ST18: variants seen among roughly 807,000 people sequenced by gnomAD.
ST18 encodes the protein ST18 C2H2C-type zinc finger transcription factor.
ST18 carries 50 observed loss-of-function variants against 110.0 expected under a neutral mutation model. That is an observed-to-expected ratio of 0.45 (90% CI 0.36 to 0.58). ST18 has a LOEUF of 0.58. Ranked by LOEUF, ST18 falls within the 20% of genes least tolerant of loss-of-function variation. The pLI is 0.00. For missense variants in ST18, 1,306 were observed against 1,280.1 expected, an observed-to-expected ratio of 1.02 and a Z score of -0.31; for synonymous variants, 461 against 452.4, an observed-to-expected ratio of 1.02 and a Z score of -0.24.
In ST18 at chr8:52,149,897, G is replaced by C. The variant is rs146398660; in HGVS notation, c.1887C>G (p.Pro629=). ...GAATAGAAGTGTTAGAGGAAGTTAG[G>C]GGTGCAGACTTGTCCAGGATTCGAT... is the stretch of plus-strand genomic sequence containing the variant. ...KKNRILDKSA[P]LTSSNTSIPT... is the part of the protein sequence containing the mutation. Residue 629 remains proline, a synonymous_variant, in exon 16 of 26, where the codon CCC becomes CCG. Coordinates refer to ENST00000689386, the MANE Select transcript of ST18 (RefSeq NM_001352837.2). 136 of 1,614,014 alleles carry C rather than the reference G, an allele frequency of 8.4e-5. No homozygotes were observed. The highest frequency in any genetic ancestry group is 1.1e-4 in the Non-Finnish European group (127 of 1,180,038).
chr8:52,332,247 T>C (rs1809859629), intron 2 of ST18, among the ~76,000 whole-genome samples: 1 of 152,086 alleles, frequency 6.6e-6, no homozygotes. Context: ...TAGAAATATA[T>C]GATTGATGGA....
chr8:52,172,087 G>A lies in ST18; in HGVS notation c.774C>T (p.Asp258=), dbSNP rs755057086. The part of the protein sequence containing the change: ...NRCDSETERK[D]PQNALAEPLD... Reference sequence around the variant, plus strand: ...GGGGTTCTGCGAGAGCATTCTGCGGGTCTTTCCTTTCTGTTTCAGAATCAC... The same window carrying A: ...GGGGTTCTGCGAGAGCATTCTGCGGATCTTTCCTTTCTGTTTCAGAATCAC... Residue 258 remains aspartate, a synonymous_variant, in exon 10 of 26, where the codon GAC becomes GAT. Coordinates refer to ENST00000689386, the MANE Select transcript of ST18 (RefSeq NM_001352837.2). The A allele has an allele frequency of 1.2e-6, 2 of 1,614,222 alleles. No individual in the cohort carries two copies. Among genetic ancestry groups the A allele is most frequent in the Non-Finnish European group, 1.7e-6 (2 of 1,180,048 alleles).
At position 52,113,439 on chromosome 8, in the gene ST18, G is replaced by T. The variant is rs972788679; in HGVS notation, c.3004-101C>A. ...AGATCAGTGATCCGGGAGTCGGGAG[G>T]GAAGGCAAGGGTGCATATGACTGCT... On this transcript the variant is annotated intron_variant, in intron 25 of 25. Transcript: ENST00000689386. 1.6e-4 allele frequency: 218 copies of T among 1,391,026 alleles called. 2 individuals carry two copies. Among genetic ancestry groups the T allele is most frequent in the Middle Eastern group, 5.4e-4 (3 of 5,536 alleles). The allele number at this position is 1,391,026 out of a possible 1,614,324, so 86.2% of individuals were successfully genotyped here. A position where few individuals can be genotyped will look rare whatever the true frequency, so the allele number is the denominator to read the frequency against.
intron 8 of ST18, among the ~76,000 whole-genome samples, chr8:52,203,955 CAG>C (rs1219707031): frequency 6.6e-6 from 1 of 152,192 alleles, no homozygotes; most frequent in Non-Finnish European, 1.5e-5. Context: ...TAAATACTCT[CAG>C]AACACAATTT....
At chr8:52,345,864 G>C (rs1417489938) in intron 2 of ST18, among the ~76,000 whole-genome samples, 1 of 152,052 alleles carries the variant, frequency 6.6e-6, no homozygotes, top group African/African-American at 2.4e-5. Flanking sequence ...AGAATCTTCA[G>C]CCAGAATTTC....
At chr8:52,372,447 C>T (rs1202812608) in intron 2 of ST18, among the ~76,000 whole-genome samples, 12 of 152,070 alleles carry the variant, frequency 7.9e-5, no homozygotes, top group Non-Finnish European at 8.8e-5. Flanking sequence ...TTATTACAGC[C>T]TAATTGTCCA....
intron 2 of ST18, among the ~76,000 whole-genome samples, chr8:52,333,470 G>T (rs1180120099): frequency 6.6e-6 from 1 of 152,116 alleles, no homozygotes; most frequent in African/African-American, 2.4e-5. Context: ...TGTAGTTTCA[G>T]TTGAAAGGAA....
chr8:52,330,247 T>G (rs751424879), intron 2 of ST18, among the ~76,000 whole-genome samples: 15 of 152,206 alleles, frequency 9.9e-5, no homozygotes, highest in Non-Finnish European at 1.9e-4. Context: ...TTTGCCAGTT[T>G]AATGATCACT....
chr8:52,247,197 A>G (rs76573348), intron 2 of ST18, among the ~76,000 whole-genome samples: 2,239 of 152,318 alleles, frequency 0.015, 24 homozygotes, highest in Non-Finnish European at 0.023. Context: ...CCAGTAATAC[A>G]AAGTTTCCTT....
intron 3 of ST18, among the ~76,000 whole-genome samples, chr8:52,226,460 G>A (rs2089452968): frequency 6.6e-6 from 1 of 152,156 alleles, no homozygotes; most frequent in Non-Finnish European, 1.5e-5. Flanking sequence ...ACTTCTTAAT[G>A]TGCTTCCATA....
rs760414550 is a variant in ST18, at chr8:52,171,991, C to T, written c.870G>A (p.Thr290=). ...EEDSESLAVM[T]EEGSDLEKAK... is the part of the protein sequence containing the mutation. ...CCTTTTCCAGGTCACTACCCTCTTCCGTCATTACTGCCAGGCTCTCGCTAT... is the reference window on the plus strand; with the variant it reads ...CCTTTTCCAGGTCACTACCCTCTTCTGTCATTACTGCCAGGCTCTCGCTAT... Residue 290 remains threonine, a synonymous_variant, in exon 10 of 26, where the codon ACG becomes ACA. Coordinates refer to ENST00000689386, the MANE Select transcript of ST18 (RefSeq NM_001352837.2). 37 of 1,614,058 alleles carry T rather than the reference C, an allele frequency of 2.3e-5. No individual in the cohort carries two copies. The highest frequency in any genetic ancestry group is 2.9e-5 in the Non-Finnish European group (34 of 1,180,036).
chr8:52,136,334 T>C (rs1447684278), intron 19 of ST18, among the ~76,000 whole-genome samples: 3 of 152,222 alleles, frequency 2.0e-5, no homozygotes, highest in Non-Finnish European at 4.4e-5. Flanking sequence ...GAAAAAAGTA[T>C]TGTGTTAACT....
intron 2 of ST18, among the ~76,000 whole-genome samples, chr8:52,245,881 T>C (rs1452562215): frequency 6.6e-6 from 1 of 152,114 alleles, no homozygotes; most frequent in Admixed American, 6.6e-5. Context: ...TTTAAAGGCA[T>C]TGACATTTTT....
chr8:52,330,214 C>T (rs1808558041), intron 2 of ST18, among the ~76,000 whole-genome samples: 1 of 152,132 alleles, frequency 6.6e-6, no homozygotes. Flanking sequence ...CATTTAATGT[C>T]CTGAGGAACC....
At chr8:52,232,791 G>A (rs1284460820) in intron 2 of ST18, among the ~76,000 whole-genome samples, 1 of 151,886 alleles carries the variant, frequency 6.6e-6, no homozygotes, top group Non-Finnish European at 1.5e-5. Context: ...AACATCTGCT[G>A]AATATCTTTC....
intron 2 of ST18, among the ~76,000 whole-genome samples, chr8:52,273,033 T>C (rs1260526352): frequency 6.6e-6 from 1 of 152,150 alleles, no homozygotes; most frequent in Non-Finnish European, 1.5e-5. Flanking sequence ...AAAAATCTGT[T>C]AAGAGAGCAG....
At chr8:52,371,174 C>A (rs1481603536) in intron 2 of ST18, among the ~76,000 whole-genome samples, 1 of 152,200 alleles carries the variant, frequency 6.6e-6, no homozygotes, top group Non-Finnish European at 1.5e-5. Context: ...TCCACCACTG[C>A]CTCCTGGCTC....
chr8:52,201,141 G>C (rs1384913659), intron 8 of ST18: 1 of 152,372 alleles, frequency 6.6e-6, no homozygotes, highest in African/African-American at 2.4e-5. Context: ...GAGAGGTAGA[G>C]GAAACCAGGG....
intron 2 of ST18, chr8:52,301,901 G>A (rs1386696580): frequency 1.3e-5 from 2 of 152,298 alleles, no homozygotes; most frequent in East Asian, 3.9e-4. Context: ...ATCCAAGTAA[G>A]GAGGTGGCGT....
Sources: allele counts gnomAD v4.1 joint callset (sites outside exome capture counted in the v4.1 genomes callset), GRCh38; gene constraint gnomAD v4.1.1; transcripts MANE v1.5; gene names NCBI Gene and HGNC (gene_info 2026-07-23, HGNC 2026-07-21).